PPP2R2B: variants seen among roughly 807,000 people sequenced by gnomAD.
PPP2R2B encodes serine/threonine-protein phosphatase 2A 55 kDa regulatory subunit B beta isoform.
In PPP2R2B, 5 loss-of-function variants were observed where a neutral mutation model predicts 46.0. The observed-to-expected ratio is 0.11, with a 90% confidence interval of 0.06 to 0.23. PPP2R2B has a LOEUF of 0.23. PPP2R2B is among the 10% of genes least tolerant of loss of function. PPP2R2B has a pLI of 1.00. For missense variants in PPP2R2B, 367 were observed against 575.0 expected (o/e 0.64, Z 3.70); for synonymous variants, 215 against 206.7 (o/e 1.04, Z -0.34).
intron 1 of PPP2R2B, among the ~76,000 whole-genome samples, chr5:147,019,877 A>G (rs1755180418): frequency 6.6e-6 from 1 of 152,202 alleles, no homozygotes; most frequent in East Asian, 1.9e-4. Flanking sequence ...AGCTATGGGA[A>G]TACACCGCTC....
At chr5:146,705,453 G>C (rs1779778904) in intron 2 of PPP2R2B, among the ~76,000 whole-genome samples, 1 of 152,184 alleles carries the variant, frequency 6.6e-6, no homozygotes, top group Admixed American at 6.5e-5. Flanking sequence ...CTGGGTGGGT[G>C]GTGGGGGAGG....
At chr5:146,638,458 G>A (rs1774968432) in intron 6 of PPP2R2B, 43 bp from the exon 7 acceptor site, 3 of 1,521,940 alleles carry the variant, frequency 2.0e-6, no homozygotes, top group Non-Finnish European at 2.7e-6. Flanking sequence ...GAAGGAGGCA[G>A]GAACTTGGGG....
chr5:146,792,476 C>G (rs1021175128), intron 2 of PPP2R2B, among the ~76,000 whole-genome samples: 1 of 152,066 alleles, frequency 6.6e-6, no homozygotes, highest in African/African-American at 2.4e-5. Flanking sequence ...AACAAGTGTC[C>G]TTTTGGAACA....
Position 146,698,231 on chromosome 5 carries a change from A to G in PPP2R2B, c.169-87T>C. On this transcript the variant is annotated intron_variant, in intron 3 of 9. Transcript: ENST00000394411. ...CAACTCCCTTTTTTTTCCAGCAGTC[A>G]TTGGGGGTGGGATGAGGGCAGGGCC... 5 of 1,125,220 alleles carry G rather than the reference A, an allele frequency of 4.4e-6. 1 individual carries two copies. In the South Asian group the frequency reaches 8.2e-5, roughly 19 times the overall value. 69.7% of individuals were successfully genotyped at this position (1,125,220 alleles called of 1,614,324 possible). A position where few individuals can be genotyped will look rare whatever the true frequency, so the allele number is the denominator to read the frequency against.
intron 1 of PPP2R2B, among the ~76,000 whole-genome samples, chr5:146,886,344 T>C (rs319198): frequency 0.048 from 7,172 of 149,528 alleles, 591 homozygotes; most frequent in African/African-American, 0.17. Flanking sequence ...GTCTCAAAAA[T>C]AAATAAATAA....
intron 2 of PPP2R2B, among the ~76,000 whole-genome samples, chr5:146,857,779 C>A (rs1760763979): frequency 6.6e-6 from 1 of 152,080 alleles, no homozygotes; most frequent in African/African-American, 2.4e-5. Context: ...CCTCCGCCTC[C>A]CAGGTTCAAG....
intron 2 of PPP2R2B, among the ~76,000 whole-genome samples, chr5:146,770,058 G>GT (rs755133104): frequency 3.3e-5 from 5 of 152,034 alleles, no homozygotes; most frequent in Non-Finnish European, 1.5e-5. Context: ...GCTGGGTGTA[G>GT]TGGCTCATGC....
intron 5 of PPP2R2B, among the ~76,000 whole-genome samples, chr5:146,663,472 C>A (rs995094905): frequency 1.8e-4 from 15 of 81,316 alleles, no homozygotes; most frequent in Admixed American, 5.5e-4. Flanking sequence ...ATAAAAACAT[C>A]CGTAAATAAC....
chr5:146,668,630 A>G (rs1187030783), intron 5 of PPP2R2B, among the ~76,000 whole-genome samples: 3 of 152,242 alleles, frequency 2.0e-5, no homozygotes, highest in African/African-American at 7.2e-5. Flanking sequence ...CTTTCATGTT[A>G]TTCACTAAAA....
At chr5:146,925,430 T>C (rs1313522242) in intron 1 of PPP2R2B, among the ~76,000 whole-genome samples, 1 of 152,214 alleles carries the variant, frequency 6.6e-6, no homozygotes, top group African/African-American at 2.4e-5. Flanking sequence ...TTGTTTGACA[T>C]TATTTTCTTT....
At chr5:146,957,729 C>T (rs762974928) in intron 1 of PPP2R2B, among the ~76,000 whole-genome samples, 37 of 152,150 alleles carry the variant, frequency 2.4e-4, no homozygotes, top group African/African-American at 3.9e-4. Context: ...GTTGCAATAA[C>T]GTTCTGACCT....
At chr5:146,992,795 T>C (rs565926250) in intron 1 of PPP2R2B, among the ~76,000 whole-genome samples, 40 of 152,332 alleles carry the variant, frequency 2.6e-4, no homozygotes, top group African/African-American at 9.1e-4. Flanking sequence ...CAGACTCTTA[T>C]AGGTGAAAGC....
chr5:146,816,012 A>C (rs557162057), intron 2 of PPP2R2B, among the ~76,000 whole-genome samples: 43 of 152,286 alleles, frequency 2.8e-4, no homozygotes, highest in African/African-American at 9.9e-4. Context: ...CTCCAGATTA[A>C]AGTTCTTTCA....
At chr5:146,684,200 G>A (rs954392806) in intron 5 of PPP2R2B, among the ~76,000 whole-genome samples, 1 of 152,144 alleles carries the variant, frequency 6.6e-6, no homozygotes, top group African/African-American at 2.4e-5. Context: ...CCCCAGAGCA[G>A]CAATAAATCA....
At chr5:147,055,199 C>A (rs143502592) in intron 1 of PPP2R2B, among the ~76,000 whole-genome samples, 8 of 152,296 alleles carry the variant, frequency 5.3e-5, no homozygotes, top group Admixed American at 1.3e-4. Context: ...ACCAATCCAA[C>A]AATCAACACT....
At chr5:146,988,645 A>T (rs982701739) in intron 1 of PPP2R2B, among the ~76,000 whole-genome samples, 1 of 151,960 alleles carries the variant, frequency 6.6e-6, no homozygotes, top group Non-Finnish European at 1.5e-5. Context: ...ATTGTAATAA[A>T]TGCCTACATC....
chr5:146,649,467 T>A (rs1775803969), intron 6 of PPP2R2B, among the ~76,000 whole-genome samples: 1 of 151,914 alleles, frequency 6.6e-6, no homozygotes, highest in Non-Finnish European at 1.5e-5. Flanking sequence ...TTTTTTGAGA[T>A]GGAGTCTGGC....
At chr5:146,862,791 T>G (rs1394239124) in intron 2 of PPP2R2B, among the ~76,000 whole-genome samples, 1 of 148,712 alleles carries the variant, frequency 6.7e-6, no homozygotes, top group African/African-American at 2.5e-5. Context: ...CTTTTCAGCA[T>G]GTGCCAATGT....
At chr5:147,030,590 C>G (rs1377225978) in intron 1 of PPP2R2B, among the ~76,000 whole-genome samples, 1 of 152,034 alleles carries the variant, frequency 6.6e-6, no homozygotes, top group African/African-American at 2.4e-5. Flanking sequence ...GTATTTTTAA[C>G]TTCTGAAATT....
Sources: allele counts gnomAD v4.1 joint callset (sites outside exome capture counted in the v4.1 genomes callset), GRCh38; gene constraint gnomAD v4.1.1; transcripts MANE v1.5; gene names NCBI Gene and HGNC (gene_info 2026-07-23, HGNC 2026-07-21).